NCKAP5: variants seen among roughly 807,000 people sequenced by gnomAD.
NCKAP5 encodes the protein nck-associated protein 5.
In NCKAP5, 92 loss-of-function variants were observed where a neutral mutation model predicts 167.0. The ratio of observed to expected loss-of-function variants is 0.55; its 90% confidence interval spans 0.47 to 0.66. The LOEUF is 0.66. Among genes scored for constraint, NCKAP5 ranks in the 30% least tolerant of loss-of-function variants. NCKAP5 has a pLI of 0.00. For synonymous variants in NCKAP5, 891 were observed against 877.4 expected, an observed-to-expected ratio of 1.02 and a Z score of -0.27; for missense variants, 2,378 against 2,315.0, an observed-to-expected ratio of 1.03 and a Z score of -0.56.
At chr2:133,061,347 C>T (rs534793685) in intron 6 of NCKAP5, among the ~76,000 whole-genome samples, 117 of 152,256 alleles carry the variant, frequency 7.7e-4, no homozygotes, top group African/African-American at 2.6e-3. Flanking sequence ...CGCTAGGCAC[C>T]GTACTATAGG....
intron 5 of NCKAP5, among the ~76,000 whole-genome samples, chr2:133,194,587 T>G (rs1367500649): frequency 6.6e-6 from 1 of 152,102 alleles, no homozygotes. Flanking sequence ...CTCCTGAATT[T>G]CCATGTTCCT....
intron 3 of NCKAP5, among the ~76,000 whole-genome samples, chr2:133,473,157 C>A (rs1679507844): frequency 6.6e-6 from 1 of 152,034 alleles, no homozygotes; most frequent in Non-Finnish European, 1.5e-5. Flanking sequence ...GATGGTGAAA[C>A]CCCATCTCTA....
intron 8 of NCKAP5, among the ~76,000 whole-genome samples, chr2:132,956,078 G>A (rs1278236916): frequency 6.6e-6 from 1 of 152,136 alleles, no homozygotes; most frequent in East Asian, 1.9e-4. Flanking sequence ...AAATTGCTAA[G>A]AGTCCATTTC....
intron 11 of NCKAP5, among the ~76,000 whole-genome samples, chr2:132,825,218 G>A (rs116787742): frequency 0.014 from 2,203 of 152,162 alleles, 45 homozygotes; most frequent in African/African-American, 0.049. Context: ...CTCCCTCTCC[G>A]GTGTCTCTAC....
rs76580262 is a variant in NCKAP5, at chr2:132,981,485, G to T, written c.429+12667C>A. Among the ~76,000 whole-genome samples, 143 of 152,256 alleles carry T rather than the reference G, an allele frequency of 9.4e-4. 1 individual carries two copies. In the East Asian group the frequency reaches 0.017, roughly 18 times the overall value. ...GCATGTGACAAGCCCTAAAATGAGG[G>T]TTATAATTTGTAATTTGCATTTACT... On this transcript the variant is annotated intron_variant, in intron 7 of 19. Transcript: ENST00000409261.
intron 3 of NCKAP5, among the ~76,000 whole-genome samples, chr2:133,447,833 C>A (rs532813159): frequency 3.8e-4 from 58 of 152,202 alleles, no homozygotes; most frequent in Admixed American, 1.9e-3. Context: ...AATCATCTTG[C>A]ATCTCTACCT....
intron 8 of NCKAP5, among the ~76,000 whole-genome samples, chr2:132,893,926 CAGAGCCCTAGG>C (rs1431799438): frequency 3.3e-5 from 5 of 152,112 alleles, no homozygotes; most frequent in Non-Finnish European, 7.3e-5. Context: ...TAATAAGTAA[CAGAGCCCTAGG>C]AGAGGGCCTG....
intron 3 of NCKAP5, among the ~76,000 whole-genome samples, chr2:133,452,587 T>G (rs899614030): frequency 6.6e-6 from 1 of 152,326 alleles, no homozygotes; most frequent in East Asian, 1.9e-4. Context: ...ATTCCTTGCC[T>G]GTACACAATC....
chr2:133,166,341 C>A (rs529548202), intron 5 of NCKAP5, among the ~76,000 whole-genome samples: 1 of 152,330 alleles, frequency 6.6e-6, no homozygotes, highest in Admixed American at 6.5e-5. Flanking sequence ...AATTTTATAT[C>A]TTGCTCATTA....
intron 3 of NCKAP5, among the ~76,000 whole-genome samples, chr2:133,415,322 A>T (rs139221908): frequency 6.6e-6 from 1 of 152,284 alleles, no homozygotes; most frequent in African/African-American, 2.4e-5. Context: ...AATGTGAGAT[A>T]CTTACTCTAC....
At chr2:133,674,820 C>CCCAGG in the NCKAP5 span, among the ~76,000 whole-genome samples, 1 of 152,086 alleles carries the variant, frequency 6.6e-6, no homozygotes, top group Non-Finnish European at 1.5e-5. Context: ...CACTGGTTTC[C>CCCAGG]CCAGGCCGGG....
At chr2:133,130,845 TTTG>T (rs71398586) in intron 5 of NCKAP5, among the ~76,000 whole-genome samples, 61,638 of 151,582 alleles carry the variant, frequency 0.41, 16,794 homozygotes, top group African/African-American at 0.78. Context: ...TTGTTTTTGT[TTTG>T]TTGTTGTTGT....
rs76838337 is a variant in NCKAP5 at position 133,271,920 on chromosome 2, T to A, written c.143+31117A>T. Reference sequence around the variant, plus strand: ...TAACACACATTTTGGAAAAAATATCTGTGAAGTAAAAATATTAACATTTGT... The same window carrying A: ...TAACACACATTTTGGAAAAAATATCAGTGAAGTAAAAATATTAACATTTGT... On this transcript the variant is annotated intron_variant, in intron 4 of 19. Coordinates refer to ENST00000409261, the MANE Select transcript of NCKAP5 (RefSeq NM_207363.3). 9.2e-5 allele frequency among the ~76,000 whole-genome samples: 14 copies of A among 152,332 alleles called. No individual in the cohort carries two copies. In the East Asian group the frequency reaches 2.7e-3, roughly 29 times the overall value.
intron 4 of NCKAP5, among the ~76,000 whole-genome samples, chr2:133,260,972 T>A (rs532457661): frequency 2.6e-5 from 4 of 152,284 alleles, no homozygotes; most frequent in African/African-American, 7.2e-5. Context: ...TACATCTCAT[T>A]AATAGAAAAA....
rs1258558691 is a variant in NCKAP5, at chr2:132,784,501, C to T, written c.2310G>A (p.Gln770=). ...SSRTVTQNPQ[Q]QKLVKPTHNI... ...TGTGTGTTGGTTTGACCAGCTTTTG[C>T]TGCTGAGGATTTTGTGTCACTGTCC... is the stretch of plus-strand genomic sequence containing the variant. The change falls in exon 14 of 20, where the codon CAG becomes CAA. Residue 770 remains glutamine, a synonymous_variant. Transcript: ENST00000409261. The T allele has an allele frequency of 1.9e-6, 3 of 1,571,028 alleles. No individual in the cohort carries two copies. Among genetic ancestry groups the T allele is most frequent in the Non-Finnish European group, 2.6e-6 (3 of 1,159,590 alleles).
chr2:133,536,086 T>C (rs1360874174), intron 2 of NCKAP5, among the ~76,000 whole-genome samples: 2 of 152,150 alleles, frequency 1.3e-5, no homozygotes, highest in African/African-American at 2.4e-5. Context: ...ATTCTGTAGG[T>C]TGTCTGTTTA....
chr2:133,594,894 ATTC>A, the NCKAP5 span, among the ~76,000 whole-genome samples: 1 of 152,160 alleles, frequency 6.6e-6, no homozygotes, highest in East Asian at 1.9e-4. Flanking sequence ...ACATTCATTC[ATTC>A]ATTCATTCGA....
intron 15 of NCKAP5, among the ~76,000 whole-genome samples, chr2:132,774,328 A>G (rs1682357853): frequency 6.6e-6 from 1 of 152,226 alleles, no homozygotes; most frequent in African/African-American, 2.4e-5. Context: ...TAGGAATAAA[A>G]ATATATACTT....
chr2:133,414,490 G>A (rs1407689485), intron 3 of NCKAP5, among the ~76,000 whole-genome samples: 1 of 152,166 alleles, frequency 6.6e-6, no homozygotes. Flanking sequence ...GACGGAGACA[G>A]GGAGGATAAA....
Sources: gnomAD v4.1 joint callset for allele counts (sites outside exome capture counted in the v4.1 genomes callset) on GRCh38, gnomAD v4.1.1 for gene constraint, MANE v1.5 for transcripts, NCBI Gene and HGNC (gene_info 2026-07-23, HGNC 2026-07-21) for gene names.